Variants in SP4 observed in about 807,000 individuals in gnomAD.
SP4 encodes the protein Sp4 transcription factor.
Under a neutral mutation model 72.8 loss-of-function variants are expected in SP4, and 19 were observed. The ratio of observed to expected loss-of-function variants is 0.26; its 90% CI spans 0.18 to 0.38. SP4 has a LOEUF of 0.38. Ranked by LOEUF, SP4 falls within the 10% of genes least tolerant of loss-of-function variation. The pLI, the probability that SP4 is intolerant of heterozygous loss-of-function variation, is 1.00. For synonymous variants in SP4, 395 were observed against 333.1 expected, an observed-to-expected ratio of 1.19 and a Z score of -2.02; for missense variants, 1,008 against 926.3, an observed-to-expected ratio of 1.09 and a Z score of -1.14.
At chr7:21,500,888 A>G (rs538011076) in intron 5 of SP4, among the ~76,000 whole-genome samples, 13 of 152,318 alleles carry the variant, frequency 8.5e-5, no homozygotes, top group African/African-American at 3.1e-4. Context: ...AATGTGGGAA[A>G]CACACATTCG....
chr7:21,446,306 A>G lies in SP4; in HGVS notation c.1678+15463A>G, dbSNP rs1248046728. On this transcript the variant is annotated intron_variant, in intron 3 of 5. Transcript: ENST00000222584. Reference sequence around the variant, plus strand: ...ATTGTTGAAATCAAAGTACTTAGACAGTTTTCAGCACTTTAAAAATGATTC... The same window carrying G: ...ATTGTTGAAATCAAAGTACTTAGACGGTTTTCAGCACTTTAAAAATGATTC... Among the ~76,000 whole-genome samples the G allele has an allele frequency of 2.0e-5, 3 of 152,222 alleles. No individual in the cohort carries two copies. The East Asian group carries it at 5.8e-4, about 29-fold the overall frequency.
chr7:21,479,107 C>T (rs1342449673), intron 4 of SP4, among the ~76,000 whole-genome samples: 1 of 151,722 alleles, frequency 6.6e-6, no homozygotes, highest in African/African-American at 2.4e-5. Flanking sequence ...ATATTGTCTC[C>T]CATTGTGTGA....
At chr7:21,500,250 TGAA>T (rs1781830985) in intron 5 of SP4, among the ~76,000 whole-genome samples, 2 of 152,220 alleles carry the variant, frequency 1.3e-5, no homozygotes, top group African/African-American at 4.8e-5. Context: ...ATATTTGTAA[TGAA>T]GATGTTTTAC....
intron 5 of SP4, among the ~76,000 whole-genome samples, chr7:21,484,838 A>T (rs551810296): frequency 6.6e-6 from 1 of 151,830 alleles, no homozygotes; most frequent in Admixed American, 6.6e-5. Context: ...ACACTTGCAG[A>T]TACACAAAAC....
At chr7:21,472,774 TA>T (rs138593123) in intron 3 of SP4, among the ~76,000 whole-genome samples, 7 of 144,844 alleles carry the variant, frequency 4.8e-5, no homozygotes, top group South Asian at 4.4e-4. Context: ...CCCCATCTCT[TA>T]AAAAAAAAGA....
intron 5 of SP4, among the ~76,000 whole-genome samples, chr7:21,494,656 T>C (rs896347289): frequency 6.6e-6 from 1 of 152,180 alleles, no homozygotes; most frequent in Non-Finnish European, 1.5e-5. Context: ...GAGATACACA[T>C]TGTATTCAAG....
intron 3 of SP4, among the ~76,000 whole-genome samples, chr7:21,461,267 C>T (rs1783969600): frequency 6.6e-6 from 1 of 152,114 alleles, no homozygotes; most frequent in African/African-American, 2.4e-5. Context: ...GTTGGGGAGA[C>T]TCAGGCCGTG....
intron 5 of SP4, among the ~76,000 whole-genome samples, chr7:21,491,618 C>G (rs556107157): frequency 6.6e-6 from 1 of 152,136 alleles, no homozygotes; most frequent in East Asian, 1.9e-4. Context: ...TGCTGTAAAT[C>G]AAAGATAAAA....
intron 5 of SP4, among the ~76,000 whole-genome samples, chr7:21,483,122 T>G (rs1784732597): frequency 6.6e-6 from 1 of 152,120 alleles, no homozygotes; most frequent in South Asian, 2.1e-4. Context: ...TGTCAGGCCT[T>G]GAAAGTTTTT....
intron 5 of SP4, among the ~76,000 whole-genome samples, chr7:21,489,553 CTTTTTTT>C (rs1193080485): frequency 1.3e-4 from 11 of 82,522 alleles, no homozygotes; most frequent in Non-Finnish European, 1.6e-4. Flanking sequence ...TTTCTTTTTT[CTTTTTTT>C]TTTTTTTTTT....
Position 21,512,656 on chromosome 7 carries a change from G to C in SP4, c.*1387G>C, listed in dbSNP as rs1176143126. Reference sequence around the variant, plus strand: ...AGCTTACTGCAACCGCCGCCTCCCAGGTTCAAGCGATTCTCCTGTCTTAGC... The same window carrying C: ...AGCTTACTGCAACCGCCGCCTCCCACGTTCAAGCGATTCTCCTGTCTTAGC... On this transcript the variant is annotated 3_prime_UTR_variant, in exon 6 of 6. Coordinates refer to ENST00000222584, the MANE Select transcript of SP4 (RefSeq NM_003112.5). 6.6e-6 allele frequency: 1 copy of C among 150,406 alleles called. No individual in the cohort carries two copies. The highest frequency in any genetic ancestry group is 2.0e-4 in the East Asian group (1 of 4,976). 9.3% of individuals were successfully genotyped at this position (150,406 alleles called of 1,614,324 possible). A position where few individuals can be genotyped will look rare whatever the true frequency, so the allele number is the denominator to read the frequency against.
chr7:21,478,195 C>A (rs1459032300), intron 4 of SP4, among the ~76,000 whole-genome samples: 1 of 152,082 alleles, frequency 6.6e-6, no homozygotes, highest in Admixed American at 6.6e-5. Context: ...ATGATCAATA[C>A]TTCATTCCTT....
intron 5 of SP4, among the ~76,000 whole-genome samples, chr7:21,487,207 C>T (rs1029090587): frequency 6.6e-6 from 1 of 152,038 alleles, no homozygotes; most frequent in South Asian, 2.1e-4. Flanking sequence ...TCTTGAAGTG[C>T]CCCTGTTTTG....
intron 5 of SP4, among the ~76,000 whole-genome samples, chr7:21,505,178 T>G (rs1781963545): frequency 6.6e-6 from 1 of 152,316 alleles, no homozygotes; most frequent in Non-Finnish European, 1.5e-5. Context: ...AATCTAAAAA[T>G]TTTTGGAGTT....
intron 3 of SP4, among the ~76,000 whole-genome samples, chr7:21,452,908 T>C (rs891580374): frequency 1.3e-5 from 2 of 151,908 alleles, no homozygotes; most frequent in Non-Finnish European, 2.9e-5. Context: ...TCAGCCTCCT[T>C]AGTAGCTGGG....
At position 21,489,623 on chromosome 7, in the gene SP4, G is replaced by C. The variant is rs985960456; in HGVS notation, c.2107+7500G>C. ...CACCCAGGCTGGAGTGCAGTGGCAT[G>C]ATCTTGGCTCACTGCAAGCTCCGCC... On this transcript the variant is annotated intron_variant, in intron 5 of 5. Coordinates refer to ENST00000222584, the MANE Select transcript of SP4 (RefSeq NM_003112.5). Among the ~76,000 whole-genome samples the C allele has an allele frequency of 5.2e-5, 7 of 133,540 alleles. No homozygotes were observed. In the South Asian group the frequency reaches 1.5e-3, roughly 28 times the overall value. The allele number at this position is 133,540 out of a possible 152,430, so 87.6% of individuals were successfully genotyped here.
chr7:21,482,378 C>T (rs1784711722), intron 5 of SP4, among the ~76,000 whole-genome samples: 1 of 152,012 alleles, frequency 6.6e-6, no homozygotes, highest in South Asian at 2.1e-4. Flanking sequence ...ATATTGTAAT[C>T]TTAGCATGTT....
At chr7:21,428,370 G>A in intron 1 of SP4, 112 bp downstream of exon 1, 10 of 716,414 alleles carry the variant, frequency 1.4e-5, no homozygotes, top group South Asian at 6.0e-5. Flanking sequence ...TGCTTTAAGG[G>A]GAGGAGGAGA....
chr7:21,456,236 A>T (rs1783760041), intron 3 of SP4, among the ~76,000 whole-genome samples: 1 of 152,192 alleles, frequency 6.6e-6, no homozygotes, highest in African/African-American at 2.4e-5. Context: ...CAAAAAAGCA[A>T]GTGGGTAAGG....
Sources: gnomAD v4.1 joint callset for allele counts (sites outside exome capture counted in the v4.1 genomes callset) on GRCh38, gnomAD v4.1.1 for gene constraint, MANE v1.5 for transcripts, NCBI Gene and HGNC (gene_info 2026-07-23, HGNC 2026-07-21) for gene names.